GPC6: variants seen among roughly 807,000 people sequenced by gnomAD.
The protein encoded by GPC6 is glypican 6.
Under a neutral mutation model 55.2 loss-of-function variants are expected in GPC6, and 14 were observed. That is an observed-to-expected ratio of 0.25 (90% confidence interval 0.17 to 0.40). GPC6 has a LOEUF of 0.40. GPC6 is among the 10% of genes least tolerant of loss of function. The pLI is 1.00. For missense variants in GPC6, 641 were observed against 708.5 expected, an observed-to-expected ratio of 0.90 and a Z score of 1.08; for synonymous variants, 278 against 259.6, an observed-to-expected ratio of 1.07 and a Z score of -0.68.
chr13:94,212,423 C>T (rs902770353), intron 4 of GPC6, among the ~76,000 whole-genome samples: 3 of 152,264 alleles, frequency 2.0e-5, no homozygotes, highest in Admixed American at 2.0e-4. Context: ...ATCTGTATTA[C>T]ATACCACATA....
chr13:94,082,344 C>G (rs1885130725), intron 4 of GPC6, among the ~76,000 whole-genome samples: 6 of 152,050 alleles, frequency 3.9e-5, no homozygotes, highest in Admixed American at 3.9e-4. Flanking sequence ...TATTTCAGGC[C>G]CCAGACACAC....
chr13:93,886,793 C>T (rs1178907307), intron 3 of GPC6, among the ~76,000 whole-genome samples: 4 of 143,548 alleles, frequency 2.8e-5, no homozygotes, highest in Non-Finnish European at 6.0e-5. Flanking sequence ...AATCCCAAAA[C>T]GATATTGCTA....
chr13:94,341,585 CA>C (rs34492618), intron 6 of GPC6, among the ~76,000 whole-genome samples: 6,509 of 79,536 alleles, frequency 0.082, 377 homozygotes, highest in African/African-American at 0.25. Flanking sequence ...AACTCCGTCT[CA>C]AAAAAAAAAA....
chr13:93,461,842 G>C (rs1471672978), intron 1 of GPC6, among the ~76,000 whole-genome samples: 1 of 152,108 alleles, frequency 6.6e-6, no homozygotes, highest in African/African-American at 2.4e-5. Flanking sequence ...TCTCTTCTTT[G>C]CATTTCCCTC....
intron 1 of GPC6, among the ~76,000 whole-genome samples, chr13:93,272,391 C>T (rs1312113008): frequency 6.6e-6 from 1 of 151,074 alleles, no homozygotes. Flanking sequence ...CAATGATAGT[C>T]ACTTCATTTG....
chr13:93,691,396 AT>A (rs11394432), intron 2 of GPC6, among the ~76,000 whole-genome samples: 6 of 150,726 alleles, frequency 4.0e-5, no homozygotes, highest in Admixed American at 6.6e-5. Flanking sequence ...ATTCCTATAT[AT>A]TTTTTTTAAA....
chr13:93,743,794 A>G (rs761193445), intron 2 of GPC6, among the ~76,000 whole-genome samples: 10 of 152,018 alleles, frequency 6.6e-5, no homozygotes, highest in Non-Finnish European at 8.8e-5. Flanking sequence ...CCTGTGTACT[A>G]TTTTGACCAA....
Position 93,592,227 on chromosome 13 carries a change from C to T in GPC6, c.319+46806C>T, listed in dbSNP as rs567966786. The stretch of plus-strand genomic sequence containing the variant: ...TGAACTGGAGTGTTGCTCTGTCAAC[C>T]GGGCTGGAGTGCAGTGGCACGATCT... On this transcript the variant is annotated intron_variant, in intron 2 of 8. Transcript: ENST00000377047. 1.7e-4 allele frequency among the ~76,000 whole-genome samples: 26 copies of T among 151,512 alleles called. No homozygotes were observed. In the Middle Eastern group the frequency reaches 0.01, roughly 60 times the overall value.
At chr13:93,322,395 A>G (rs1879478213) in intron 1 of GPC6, among the ~76,000 whole-genome samples, 1 of 151,392 alleles carries the variant, frequency 6.6e-6, no homozygotes, top group Non-Finnish European at 1.5e-5. Context: ...ATTCAGAACC[A>G]GAAAATCTAA....
chr13:93,361,792 C>G (rs9301875), intron 1 of GPC6, among the ~76,000 whole-genome samples: 3 of 151,832 alleles, frequency 2.0e-5, no homozygotes, highest in Admixed American at 6.6e-5. Context: ...AGAAAAAAAC[C>G]TGGACCTTAA....
At chr13:94,311,867 G>A (rs1192777162) in intron 6 of GPC6, among the ~76,000 whole-genome samples, 1 of 152,130 alleles carries the variant, frequency 6.6e-6, no homozygotes, top group Non-Finnish European at 1.5e-5. Context: ...AAAGGGGAGG[G>A]GAAAACATCA....
At chr13:93,725,161 A>C (rs1883590959) in intron 2 of GPC6, among the ~76,000 whole-genome samples, 6 of 152,112 alleles carry the variant, frequency 3.9e-5, no homozygotes, top group Admixed American at 3.9e-4. Flanking sequence ...CAAAATTTCA[A>C]ATATCCTTAA....
chr13:93,625,854 T>C (rs775682243), intron 2 of GPC6, among the ~76,000 whole-genome samples: 219 of 152,312 alleles, frequency 1.4e-3, no homozygotes, highest in Non-Finnish European at 2.5e-3. Context: ...AGCATGGGGT[T>C]CCCTGGCCAA....
intron 2 of GPC6, among the ~76,000 whole-genome samples, chr13:93,581,089 C>T (rs970587279): frequency 5.3e-5 from 8 of 151,992 alleles, no homozygotes; most frequent in African/African-American, 1.7e-4. Flanking sequence ...TTAAAGTTTT[C>T]ACTTCTAAAA....
At chr13:93,663,141 C>T (rs1880994347) in intron 2 of GPC6, among the ~76,000 whole-genome samples, 1 of 150,088 alleles carries the variant, frequency 6.7e-6, no homozygotes. Context: ...AGTTCAGAGA[C>T]TGACAGTACA....
intron 4 of GPC6, among the ~76,000 whole-genome samples, chr13:94,221,367 A>G (rs1890378518): frequency 6.6e-6 from 1 of 152,128 alleles, no homozygotes; most frequent in Non-Finnish European, 1.5e-5. Flanking sequence ...GAAACTAATA[A>G]AACTGCCCTA....
intron 4 of GPC6, among the ~76,000 whole-genome samples, chr13:94,210,163 T>TG: frequency 6.6e-6 from 1 of 150,948 alleles, no homozygotes; most frequent in East Asian, 2.0e-4. Context: ...TTTAATTTTT[T>TG]TTTTTTTTTT....
chr13:93,885,905 T>C (rs1253110985), intron 3 of GPC6, among the ~76,000 whole-genome samples: 1 of 152,074 alleles, frequency 6.6e-6, no homozygotes, highest in East Asian at 1.9e-4. Flanking sequence ...AGAGATGAGA[T>C]TTATGCCGGT....
chr13:94,263,444 A>G (rs1357490393), intron 4 of GPC6, among the ~76,000 whole-genome samples: 1 of 152,186 alleles, frequency 6.6e-6, no homozygotes, highest in Non-Finnish European at 1.5e-5. Flanking sequence ...AGAAACTCAA[A>G]AGGGTTGTGT....
Sources: gnomAD v4.1 joint callset for allele counts (sites outside exome capture counted in the v4.1 genomes callset) on GRCh38, gnomAD v4.1.1 for gene constraint, MANE v1.5 for transcripts, NCBI Gene and HGNC (gene_info 2026-07-23, HGNC 2026-07-21) for gene names.